The following NOVA1 variants were observed in gnomAD, a reference collection of about 807,000 sequenced individuals.
The protein encoded by NOVA1 is NOVA alternative splicing regulator 1.
NOVA1 carries 7 observed loss-of-function variants against 38.0 expected under a neutral mutation model. That is an observed-to-expected ratio of 0.18 (90% confidence interval 0.10 to 0.35). NOVA1 has a LOEUF of 0.35. Ranked by LOEUF, NOVA1 falls within the 10% of genes least tolerant of loss-of-function variation. NOVA1 has a pLI of 1.00. For synonymous variants in NOVA1, 270 were observed against 232.5 expected, an observed-to-expected ratio of 1.16 and a Z score of -1.47; for missense variants, 460 against 616.0, an observed-to-expected ratio of 0.75 and a Z score of 2.68.
Position 26,595,510 on chromosome 14 carries a change from A to C in NOVA1, c.180T>G (p.Ala60=). 6.2e-7 allele frequency: 1 copy of C among 1,613,808 alleles called. No individual in the cohort carries two copies. The highest frequency in any genetic ancestry group is 8.5e-7 in the Non-Finnish European group (1 of 1,179,794). Residue 60 remains alanine (A), a synonymous_variant, in exon 2 of 5, where the codon GCT becomes GCG. Coordinates refer to ENST00000539517, the MANE Select transcript of NOVA1 (RefSeq NM_002515.3). ...CTCCCTTCCCAATTATAGATCCAGC[A>C]GCATAACTAGGTATGAGAACCTTTA... ...YFLKVLIPSY[A]AGSIIGKGGQ...
At chr14:26,555,830 T>C (rs1891446565) in intron 2 of NOVA1, among the ~76,000 whole-genome samples, 1 of 152,144 alleles carries the variant, frequency 6.6e-6, no homozygotes, top group South Asian at 2.1e-4. Context: ...CTACCGTAAT[T>C]TGTTATCACA....
rs1455288790 is a variant in NOVA1 at position 26,448,886 on chromosome 14, C to T, written c.597G>A (p.Glu199=). Residue 199 remains glutamate, a synonymous_variant, in exon 5 of 5, where the codon GAG becomes GAA. Coordinates refer to ENST00000539517, the MANE Select transcript of NOVA1 (RefSeq NM_002515.3). This position sits in a 1 kb window ranked among gnomAD's most constrained non-coding sequence, Gnocchi z 5.3. The stretch of plus-strand genomic sequence containing the variant: ...AAAGCTGCACCCAAGCCCCTGACTG[C>T]TCCATTACAGCCTTCACAGTAGCAC... ...KGGATVKAVM[E]QSGAWVQLSQ... 6 of 1,614,018 alleles carry T rather than the reference C, an allele frequency of 3.7e-6. No individual in the cohort carries two copies. The highest frequency in any genetic ancestry group is 1.6e-4 in the Middle Eastern group (1 of 6,084).
At chr14:26,554,735 T>C (rs552981972) in intron 2 of NOVA1, among the ~76,000 whole-genome samples, 3 of 152,298 alleles carry the variant, frequency 2.0e-5, no homozygotes, top group African/African-American at 7.2e-5. Context: ...TTAGTACCAA[T>C]GAGGTAGTGA....
In NOVA1 at chr14:26,459,636, A is replaced by G. The variant is rs199945917; in HGVS notation, c.520-10673T>C. 7.9e-5 allele frequency among the ~76,000 whole-genome samples: 12 copies of G among 152,278 alleles called. No individual in the cohort carries two copies. In the East Asian group the frequency reaches 2.3e-3, roughly 29 times the overall value. ...TTCAAAATCATAGTTTTAAATGAAA[A>G]TCATGCATTTAACCTGAATGCCCAT... On this transcript the variant is annotated intron_variant, in intron 4 of 4. Transcript: ENST00000539517.
chr14:26,541,226 C>T (rs61986522), intron 2 of NOVA1, among the ~76,000 whole-genome samples: 27,207 of 151,848 alleles, frequency 0.18, 2,667 homozygotes, highest in East Asian at 0.34. Flanking sequence ...TGCAAAGAGA[C>T]GCATAAAAAC....
intron 2 of NOVA1, among the ~76,000 whole-genome samples, chr14:26,590,704 C>T (rs1447683669): frequency 1.3e-5 from 2 of 151,674 alleles, no homozygotes; most frequent in Non-Finnish European, 3.0e-5. Context: ...ATCTTCAATA[C>T]ATAAGTATTG....
At chr14:26,527,057 T>C (rs1186457056) in intron 2 of NOVA1, among the ~76,000 whole-genome samples, 1 of 98,868 alleles carries the variant, frequency 1.0e-5, no homozygotes, top group Admixed American at 9.3e-5. Context: ...TGAGGTGCTC[T>C]GGGCCACTGC....
chr14:26,566,433 G>T (rs1269900933), intron 2 of NOVA1, among the ~76,000 whole-genome samples: 1 of 152,048 alleles, frequency 6.6e-6, no homozygotes, highest in Non-Finnish European at 1.5e-5. Context: ...TTGTGCTTCA[G>T]TTGTCTATCT....
At chr14:26,520,650 A>G (rs573585110) in intron 2 of NOVA1, among the ~76,000 whole-genome samples, 134 of 152,274 alleles carry the variant, frequency 8.8e-4, no homozygotes, top group Non-Finnish European at 1.8e-3. Context: ...CACTATGCAC[A>G]TGCTTGTTAA....
intron 2 of NOVA1, among the ~76,000 whole-genome samples, chr14:26,556,900 T>A (rs1891519340): frequency 6.6e-6 from 1 of 152,192 alleles, no homozygotes; most frequent in African/African-American, 2.4e-5. Flanking sequence ...TCAGGACTGT[T>A]ATAACAAAGT....
chr14:26,501,785 A>G (rs1887260526), intron 2 of NOVA1, among the ~76,000 whole-genome samples: 1 of 151,940 alleles, frequency 6.6e-6, no homozygotes, highest in Admixed American at 6.6e-5. Flanking sequence ...AAAATTTACT[A>G]TGCTCTTCTA....
At chr14:26,515,170 T>C (rs1888372344) in intron 2 of NOVA1, among the ~76,000 whole-genome samples, 1 of 151,930 alleles carries the variant, frequency 6.6e-6, no homozygotes, top group Non-Finnish European at 1.5e-5. Context: ...TTATTCCTTA[T>C]TCCATTATTA....
intron 2 of NOVA1, among the ~76,000 whole-genome samples, chr14:26,498,301 C>T (rs560509136): frequency 2.5e-4 from 38 of 151,878 alleles, no homozygotes; most frequent in Middle Eastern, 3.4e-3. Flanking sequence ...CTCCTAACCT[C>T]GTGATCCGCC....
At chr14:26,515,305 G>GA (rs1285737010) in intron 2 of NOVA1, among the ~76,000 whole-genome samples, 1 of 151,428 alleles carries the variant, frequency 6.6e-6, no homozygotes, top group Non-Finnish European at 1.5e-5. Context: ...TTTATATAAA[G>GA]AAAAAAAATT....
At chr14:26,475,522 A>T (rs1230461974) in intron 3 of NOVA1, among the ~76,000 whole-genome samples, 1 of 152,030 alleles carries the variant, frequency 6.6e-6, no homozygotes, top group Admixed American at 6.6e-5. Context: ...TCCTACAAAA[A>T]TTTTTTTCTA....
At chr14:26,507,473 T>C (rs1460131877) in intron 2 of NOVA1, among the ~76,000 whole-genome samples, 1 of 152,184 alleles carries the variant, frequency 6.6e-6, no homozygotes, top group Non-Finnish European at 1.5e-5. Context: ...GAGTGTTTTT[T>C]ATGAAGTTGT....
Position 26,597,821 on chromosome 14 carries a change from G to C in NOVA1, c.-385C>G. 2.9e-6 allele frequency: 1 copy of C among 342,284 alleles called. No homozygotes were observed. The highest frequency in any genetic ancestry group is 4.2e-6 in the Non-Finnish European group (1 of 238,264). 21.2% of individuals were successfully genotyped at this position (342,284 alleles called of 1,614,324 possible). A position where few individuals can be genotyped will look rare whatever the true frequency, so the allele number is the denominator to read the frequency against. On this transcript the variant is annotated 5_prime_UTR_variant, in exon 1 of 5. Coordinates refer to ENST00000539517, the MANE Select transcript of NOVA1 (RefSeq NM_002515.3). ...GCAGAGGGAGTGGGAGAGCGCGAGG[G>C]CTGGCGGGGCGCGGGGAGAAGCCGA...
At chr14:26,530,864 G>A (rs1168472558) in intron 2 of NOVA1, among the ~76,000 whole-genome samples, 2 of 151,972 alleles carry the variant, frequency 1.3e-5, no homozygotes, top group African/African-American at 4.8e-5. Flanking sequence ...ATTCCTCAAG[G>A]CAAGAATCCT....
intron 2 of NOVA1, among the ~76,000 whole-genome samples, chr14:26,493,463 T>C (rs567820959): frequency 4.6e-5 from 7 of 152,334 alleles, no homozygotes; most frequent in South Asian, 4.1e-4. Flanking sequence ...TAAAATGCTA[T>C]AGATAAGGCC....
Sources: allele counts gnomAD v4.1 joint callset (sites outside exome capture counted in the v4.1 genomes callset), GRCh38; gene constraint gnomAD v4.1.1; non-coding constraint Gnocchi (gnomAD v3.1); transcripts MANE v1.5; gene names NCBI Gene and HGNC (gene_info 2026-07-23, HGNC 2026-07-21).